CCDC171: variants seen among roughly 807,000 people sequenced by gnomAD.
CCDC171 encodes the protein coiled-coil domain containing 171, also known as coiled-coil domain-containing protein 171.
A neutral mutation model predicts 168.2 loss-of-function variants in CCDC171; 177 were observed. The ratio of observed to expected loss-of-function variants is 1.05; its 90% CI spans 0.93 to 1.19. The LOEUF (loss-of-function observed/expected upper bound fraction) is 1.19, where lower values mean the gene tolerates loss of function less well. Ranked by LOEUF, CCDC171 falls within the 50% of genes most tolerant of loss-of-function variation. The pLI is 0.00. For missense variants in CCDC171, 1,991 were observed against 1,539.0 expected (o/e 1.29, Z -4.91); for synonymous variants, 687 against 540.8 (o/e 1.27, Z -3.75).
Position 15,789,979 on chromosome 9 carries a change from C to A in CCDC171, c.3267+5285C>A, listed in dbSNP as rs563351947. Among the ~76,000 whole-genome samples, 3 of 152,180 alleles carry A rather than the reference C, an allele frequency of 2.0e-5. No individual in the cohort carries two copies. The South Asian group carries it at 6.2e-4, about 32-fold the overall frequency. On this transcript the variant is annotated intron_variant, in intron 21 of 25. Transcript: ENST00000380701. ...GTATTCCATGGTGTATATGTGCCACCTTTTCTTAATCCAGTCTATCATGGT... is the reference window on the plus strand; with the variant it reads ...GTATTCCATGGTGTATATGTGCCACATTTTCTTAATCCAGTCTATCATGGT...
intron 4 of CCDC171, among the ~76,000 whole-genome samples, chr9:15,581,174 A>T (rs1243837847): frequency 6.6e-6 from 1 of 152,208 alleles, no homozygotes; most frequent in Non-Finnish European, 1.5e-5. Flanking sequence ...GTGAACTCCC[A>T]TTCACAATTG....
At chr9:16,088,249 C>A in the CCDC171 span, among the ~76,000 whole-genome samples, 71,278 of 151,938 alleles carry the variant, frequency 0.47, 18,807 homozygotes, top group African/African-American at 0.73. Context: ...GTTTATGACA[C>A]ACCCACAGCC....
chr9:15,996,559 G>A (rs1013945940), intron 3 of CCDC171, among the ~76,000 whole-genome samples: 6 of 151,198 alleles, frequency 4.0e-5, no homozygotes, highest in African/African-American at 7.3e-5. Context: ...CACTCAAAAT[G>A]TTTTGGATTT....
intron 10 of CCDC171, among the ~76,000 whole-genome samples, chr9:15,679,636 A>G (rs929320769): frequency 1.3e-5 from 2 of 152,132 alleles, no homozygotes; most frequent in Non-Finnish European, 2.9e-5. Context: ...TGAAATCTGC[A>G]GCTCCTGGGC....
At chr9:15,579,686 A>G (rs1329910080) in intron 4 of CCDC171, among the ~76,000 whole-genome samples, 1 of 152,186 alleles carries the variant, frequency 6.6e-6, no homozygotes, top group African/African-American at 2.4e-5. Flanking sequence ...AATAGTGTAG[A>G]TTAATTTTGC....
chr9:16,029,518 G>A (rs1404279599), intron 6 of CCDC171, among the ~76,000 whole-genome samples: 1 of 152,226 alleles, frequency 6.6e-6, no homozygotes, highest in Admixed American at 6.5e-5. Context: ...AGGATGGTCT[G>A]CTAAGGTTGA....
At chr9:15,576,731 C>T (rs931873489) in intron 3 of CCDC171, among the ~76,000 whole-genome samples, 1 of 152,204 alleles carries the variant, frequency 6.6e-6, no homozygotes, top group African/African-American at 2.4e-5. Context: ...ATCTTGTACA[C>T]GTTCTCCAAG....
intron 24 of CCDC171, among the ~76,000 whole-genome samples, chr9:15,888,748 T>C (rs983226961): frequency 2.6e-5 from 4 of 152,050 alleles, no homozygotes; most frequent in African/African-American, 7.2e-5. Flanking sequence ...TTATTTTTCA[T>C]CATTCAGACC....
At chr9:15,647,493 C>A (rs1438351248) in intron 7 of CCDC171, among the ~76,000 whole-genome samples, 2 of 151,872 alleles carry the variant, frequency 1.3e-5, no homozygotes, top group Admixed American at 1.3e-4. Context: ...AATTGCTAGA[C>A]CACTAGCAAG....
intron 4 of CCDC171, chr9:15,588,364 A>G: frequency 4.1e-6 from 1 of 246,068 alleles, no homozygotes; most frequent in Non-Finnish European, 8.5e-6. Context: ...CATGCCCAAG[A>G]GAAAGCCTGA....
chr9:15,994,593 A>T (rs534920137), intron 3 of CCDC171, among the ~76,000 whole-genome samples: 2 of 152,182 alleles, frequency 1.3e-5, no homozygotes, highest in Non-Finnish European at 2.9e-5. Context: ...TATAAAAAAA[A>T]GTTTCTCTTA....
chr9:16,055,463 G>A (rs1432831913), intron 1 of CCDC171, among the ~76,000 whole-genome samples: 1 of 152,166 alleles, frequency 6.6e-6, no homozygotes, highest in Non-Finnish European at 1.5e-5. Flanking sequence ...AGAAGAACCT[G>A]CTGAGGGAGG....
chr9:15,821,771 T>C (rs534481767), intron 21 of CCDC171, among the ~76,000 whole-genome samples: 1,571 of 116,256 alleles, frequency 0.014, 351 homozygotes, highest in African/African-American at 0.049. Flanking sequence ...AGGTAATTTA[T>C]ACATTCAATG....
At chr9:15,860,973 A>T (rs1053128867) in intron 23 of CCDC171, among the ~76,000 whole-genome samples, 2 of 72,070 alleles carry the variant, frequency 2.8e-5, no homozygotes, top group African/African-American at 8.6e-5. Context: ...ATAATTGTTA[A>T]AATTGTTATA....
At chr9:15,921,848 T>TA (rs1356154383) in intron 25 of CCDC171, among the ~76,000 whole-genome samples, 1 of 151,672 alleles carries the variant, frequency 6.6e-6, no homozygotes, top group Non-Finnish European at 1.5e-5. Context: ...TTTGATTGGT[T>TA]AATTTTACAT....
At chr9:15,833,844 A>C (rs1278869755) in intron 21 of CCDC171, among the ~76,000 whole-genome samples, 1 of 152,208 alleles carries the variant, frequency 6.6e-6, no homozygotes, top group Admixed American at 6.5e-5. Context: ...GCAGATGAGG[A>C]AACAAAGGTA....
At chr9:15,621,329 A>G (rs988889037) in intron 6 of CCDC171, among the ~76,000 whole-genome samples, 5 of 152,226 alleles carry the variant, frequency 3.3e-5, no homozygotes, top group African/African-American at 1.2e-4. Flanking sequence ...TGCACACTTA[A>G]TAGATTACAC....
chr9:15,602,830 G>C (rs1434054825), intron 6 of CCDC171, among the ~76,000 whole-genome samples: 1 of 151,066 alleles, frequency 6.6e-6, no homozygotes, highest in Non-Finnish European at 1.5e-5. Context: ...GCTAATTTTT[G>C]TATTTTTAGT....
intron 3 of CCDC171, among the ~76,000 whole-genome samples, chr9:15,988,126 A>G (rs921960001): frequency 6.6e-6 from 1 of 152,228 alleles, no homozygotes; most frequent in African/African-American, 2.4e-5. Flanking sequence ...AATTGTGTTC[A>G]GGGTAACTAA....
Sources: gnomAD v4.1 joint callset for allele counts (sites outside exome capture counted in the v4.1 genomes callset) on GRCh38, gnomAD v4.1.1 for gene constraint, MANE v1.5 for transcripts, NCBI Gene and HGNC (gene_info 2026-07-23, HGNC 2026-07-21) for gene names.